HPS5: variants seen among roughly 807,000 people sequenced by gnomAD.
The protein encoded by HPS5 is BLOC-2 complex member HPS5.
In HPS5, 83 loss-of-function variants were observed where a neutral mutation model predicts 128.0. The observed-to-expected ratio is 0.65, with a 90% CI of 0.54 to 0.78. The LOEUF (loss-of-function observed/expected upper bound fraction) is 0.78. HPS5 is among the 30% of genes least tolerant of loss of function. HPS5 has a pLI of 0.00. For synonymous variants in HPS5, 475 were observed against 470.2 expected (o/e 1.01, Z -0.13); for missense variants, 1,281 against 1,326.2 (o/e 0.97, Z 0.53).
rs1048719019 is a variant in HPS5 at position 18,283,919 on chromosome 11, T to G, written c.2952-18A>C. The G allele has an allele frequency of 6.4e-7, 1 of 1,565,822 alleles. No individual in the cohort carries two copies. The highest frequency in any genetic ancestry group is 1.4e-5 in the African/African-American group (1 of 74,060). ...GCCAGAAACTTTAAAGAGACCGAAG[T>G]TGAAGAAAGGAATAAAAGGCCATGA... On this transcript the variant is annotated intron_variant, in intron 20 of 22. Coordinates refer to ENST00000349215, the MANE Select transcript of HPS5 (RefSeq NM_181507.2).
intron 16 of HPS5, among the ~76,000 whole-genome samples, chr11:18,291,031 C>T (rs1048432361): frequency 6.6e-6 from 1 of 152,116 alleles, no homozygotes. Context: ...CCAGCTTGGC[C>T]GACATGGCAA....
At chr11:18,280,438 C>A in intron 22 of HPS5, 2 of 587,808 alleles carry the variant, frequency 3.4e-6, no homozygotes, top group Non-Finnish European at 6.0e-6. Flanking sequence ...GCACTGCTGG[C>A]AGGAAAGTAA....
In HPS5 at chr11:18,283,801, C is replaced by T; in HGVS notation, c.3052G>A (p.Asp1018Asn). 1.9e-6 allele frequency: 3 copies of T among 1,602,846 alleles called. No individual in the cohort carries two copies. Among genetic ancestry groups the T allele is most frequent in the Non-Finnish European group, 1.7e-6 (2 of 1,170,172 alleles). ...YLNDMSLMEG[D>N]NGWIPETVEE... ...CCAGTTAGGATTGACATACCATTGT[C>T]CCCTTCCATCAGGCTCATATCATTC... is the stretch of plus-strand genomic sequence containing the variant. The change falls in exon 21 of 23, where the codon GAC (aspartate) becomes AAC (asparagine). Residue 1018 changes from aspartate (D) to asparagine (N), a missense_variant. Transcript: ENST00000349215.
intron 11 of HPS5, 32 bp from the exon 12 acceptor site, chr11:18,297,016 A>G: frequency 1.5e-6 from 2 of 1,346,472 alleles, no homozygotes; most frequent in South Asian, 2.4e-5. Context: ...AAAAAAAAAA[A>G]GGTAAAAATT....
chr11:18,305,396 C>T (rs1458672640), intron 8 of HPS5, 26 bp downstream of exon 8: 5 of 1,468,192 alleles, frequency 3.4e-6, no homozygotes, highest in African/African-American at 1.4e-5. Context: ...TTTTCCCCCC[C>T]AGAACTAAGG....
At chr11:18,281,012 A>G (rs1161801291) in intron 22 of HPS5, among the ~76,000 whole-genome samples, 1 of 152,144 alleles carries the variant, frequency 6.6e-6, no homozygotes, top group Non-Finnish European at 1.5e-5. Context: ...TAAATTGTTA[A>G]GATGATAAAT....
chr11:18,285,153 A>G (rs1028325131), intron 20 of HPS5, among the ~76,000 whole-genome samples, 193 bp downstream of exon 20: 3 of 151,982 alleles, frequency 2.0e-5, no homozygotes, highest in African/African-American at 7.2e-5. Flanking sequence ...AAAAAAAAAA[A>G]AAAAAGAAAA....
chr11:18,297,130 T>A, intron 11 of HPS5, 146 bp from the exon 12 acceptor site: 1 of 667,818 alleles, frequency 1.5e-6, no homozygotes, highest in South Asian at 1.8e-5. Flanking sequence ...TGAGCAAGGC[T>A]TAGGTGCCTG....
intron 1 of HPS5, among the ~76,000 whole-genome samples, chr11:18,320,756 A>G (rs1409231515): frequency 6.6e-6 from 1 of 152,176 alleles, no homozygotes; most frequent in Non-Finnish European, 1.5e-5. Flanking sequence ...ATACTCCTTA[A>G]GTAGTTAGAT....
At chr11:18,291,052 C>T (rs1564938146) in intron 16 of HPS5, among the ~76,000 whole-genome samples, 1 of 152,310 alleles carries the variant, frequency 6.6e-6, no homozygotes, top group East Asian at 1.9e-4. Context: ...AACCCTGTCT[C>T]TACTAAAATA....
intron 1 of HPS5, among the ~76,000 whole-genome samples, chr11:18,319,365 A>G (rs925637173): frequency 2.0e-5 from 3 of 152,036 alleles, no homozygotes; most frequent in Non-Finnish European, 4.4e-5. Flanking sequence ...CATTGAATTA[A>G]AGGGAACTGA....
chr11:18,320,304 C>T (rs1195681041), intron 1 of HPS5, among the ~76,000 whole-genome samples: 1 of 152,148 alleles, frequency 6.6e-6, no homozygotes, highest in Non-Finnish European at 1.5e-5. Context: ...ATGAGCCCTA[C>T]TTCCTAGAAT....
chr11:18,300,811 A>C lies in HPS5; in HGVS notation c.985+17T>G. 1 of 1,320,650 alleles carries C rather than the reference A, an allele frequency of 7.6e-7. No individual in the cohort carries two copies. Among genetic ancestry groups the C allele is most frequent in the Non-Finnish European group, 1.1e-6 (1 of 915,828 alleles). The allele number at this position is 1,320,650 out of a possible 1,614,324, so 81.8% of individuals were successfully genotyped here. A position where few individuals can be genotyped will look rare whatever the true frequency, so the allele number is the denominator to read the frequency against. The stretch of plus-strand genomic sequence containing the variant: ...CATAAGCATGAGATTAAAAATTACA[A>C]AGAAAAATATAATTACCTTTGACTT... On this transcript the variant is annotated intron_variant, in intron 9 of 22. Transcript: ENST00000349215.
At chr11:18,305,624 G>A (rs563084897) in intron 7 of HPS5, 131 bp from the exon 8 acceptor site, 6 of 634,302 alleles carry the variant, frequency 9.5e-6, no homozygotes, top group East Asian at 2.8e-5. Flanking sequence ...GCCCTTATTC[G>A]CCTGACACTA....
chr11:18,302,356 T>G (rs921759762), intron 8 of HPS5, among the ~76,000 whole-genome samples: 3 of 152,200 alleles, frequency 2.0e-5, no homozygotes, highest in Admixed American at 1.3e-4. Flanking sequence ...GTTCTTAATC[T>G]AGCCACCTCT....
chr11:18,317,018 C>A (rs1036307904), intron 2 of HPS5, among the ~76,000 whole-genome samples: 31 of 152,034 alleles, frequency 2.0e-4, no homozygotes, highest in Non-Finnish European at 3.5e-4. Flanking sequence ...CATGGTGAAA[C>A]CCCGTCTCTA....
At chr11:18,311,780 G>A (rs895939217) in intron 3 of HPS5, 134 bp downstream of exon 3, 2 of 775,074 alleles carry the variant, frequency 2.6e-6, no homozygotes, top group Non-Finnish European at 4.5e-6. Flanking sequence ...CAAAATGCTG[G>A]GATTACAGGC....
intron 10 of HPS5, among the ~76,000 whole-genome samples, chr11:18,298,570 A>G (rs966889452): frequency 5.3e-5 from 8 of 152,166 alleles, no homozygotes; most frequent in African/African-American, 1.9e-4. Flanking sequence ...TCTGAAACAA[A>G]TTTGTATGTA....
In HPS5 at chr11:18,282,233, A is replaced by G; in HGVS notation, c.3059-13T>C. 1 of 1,613,814 alleles carries G rather than the reference A, an allele frequency of 6.2e-7. No homozygotes were observed. Among genetic ancestry groups the G allele is most frequent in the Non-Finnish European group, 8.5e-7 (1 of 1,180,012 alleles). On this transcript the variant is annotated splice_polypyrimidine_tract_variant and intron_variant, in intron 21 of 22. Transcript: ENST00000349215. The stretch of plus-strand genomic sequence containing the variant: ...TCTGGGATCCAACCTAAACACACAC[A>G]GGGAAGTGTCAGTTTGACCACTCTT...
Sources: gnomAD v4.1 joint callset for allele counts (sites outside exome capture counted in the v4.1 genomes callset) on GRCh38, gnomAD v4.1.1 for gene constraint, MANE v1.5 for transcripts, NCBI Gene and HGNC (gene_info 2026-07-23, HGNC 2026-07-21) for gene names.